TNR: variants seen among roughly 807,000 people sequenced by gnomAD.
TNR encodes the protein tenascin-R.
Under a neutral mutation model 150.4 loss-of-function variants are expected in TNR, and 45 were observed. The ratio of observed to expected loss-of-function variants is 0.30; its 90% CI spans 0.24 to 0.38. TNR has a LOEUF of 0.38. Among genes scored for constraint, TNR ranks in the 10% least tolerant of loss-of-function variants. TNR has a pLI of 1.00. For synonymous variants in TNR, 687 were observed against 678.4 expected (o/e 1.01, Z -0.20); for missense variants, 1,544 against 1,759.1 (o/e 0.88, Z 2.19).
chr1:175,629,996 GA>G (rs1385011887), intron 1 of TNR, among the ~76,000 whole-genome samples: 1 of 152,158 alleles, frequency 6.6e-6, no homozygotes, highest in Non-Finnish European at 1.5e-5. Flanking sequence ...CCTGGGGAGG[GA>G]CTTTCTGGTG....
At chr1:175,437,788 T>A (rs1655580035) in intron 2 of TNR, among the ~76,000 whole-genome samples, 2 of 152,264 alleles carry the variant, frequency 1.3e-5, no homozygotes, top group Non-Finnish European at 2.9e-5. Context: ...AAGAAATGGA[T>A]AAATTCCTCG....
intron 1 of TNR, among the ~76,000 whole-genome samples, chr1:175,535,529 C>T (rs1338982792): frequency 3.3e-5 from 5 of 151,874 alleles, no homozygotes; most frequent in Non-Finnish European, 5.9e-5. Context: ...GGCGCGATCT[C>T]GGCTCACTGC....
chr1:175,417,011 A>AAAAGAAAGAAAGAAAGAAAGAAAGGAAG (rs1654499255), intron 2 of TNR, among the ~76,000 whole-genome samples: 1 of 90,848 alleles, frequency 1.1e-5, no homozygotes, highest in African/African-American at 4.6e-5. Flanking sequence ...CCATCTCAAA[A>AAAAGAAAGAAAGAAAGAAAGAAAGGAAG]AAAGAAAGAA....
chr1:175,583,636 G>A (rs763757194), intron 1 of TNR, among the ~76,000 whole-genome samples: 2 of 152,140 alleles, frequency 1.3e-5, no homozygotes, highest in African/African-American at 4.8e-5. Context: ...TGGTCAACTA[G>A]TGGAAACAAC....
intron 1 of TNR, among the ~76,000 whole-genome samples, chr1:175,608,509 T>C (rs112874709): frequency 0.022 from 3,381 of 152,268 alleles, 133 homozygotes; most frequent in African/African-American, 0.075. Flanking sequence ...TTTGAAAGCA[T>C]AAGATATAAG....
Position 175,610,728 on chromosome 1 carries a change from T to G in TNR, c.-164-82359A>C, listed in dbSNP as rs114811738. Among the ~76,000 whole-genome samples the G allele has an allele frequency of 6.4e-3, 979 of 152,324 alleles. 6 individuals are homozygous for G. The highest frequency in any genetic ancestry group is 0.022 in the African/African-American group (925 of 41,558). ...CAGTCCCACTATTGCAATAGCTCCT[T>G]TTATCCCTCGCAACCATTCTTTCTA... On this transcript the variant is annotated intron_variant, in intron 1 of 22. Transcript: ENST00000367674.
chr1:175,662,615 G>A (rs1409895462), intron 1 of TNR, among the ~76,000 whole-genome samples: 1 of 152,208 alleles, frequency 6.6e-6, no homozygotes, highest in African/African-American at 2.4e-5. Flanking sequence ...AGGCAGGCAG[G>A]GATGAGCATC....
chr1:175,683,076 G>A (rs1050740766), intron 1 of TNR, among the ~76,000 whole-genome samples: 9 of 152,126 alleles, frequency 5.9e-5, no homozygotes, highest in Non-Finnish European at 1.0e-4. Flanking sequence ...GTGGGCCTGT[G>A]ACAGTTCTTC....
At chr1:175,683,027 G>T (rs34476724) in intron 1 of TNR, among the ~76,000 whole-genome samples, 9,790 of 152,212 alleles carry the variant, frequency 0.064, 417 homozygotes, top group East Asian at 0.17. Flanking sequence ...CAATGGGCGA[G>T]CTTGGGGGCA....
At chr1:175,376,857 A>ACGT (rs1553211461) in intron 9 of TNR, among the ~76,000 whole-genome samples, 1 of 113,484 alleles carries the variant, frequency 8.8e-6, no homozygotes, top group African/African-American at 3.7e-5. Context: ...TATAAATGTA[A>ACGT]TATTATATAT....
intron 2 of TNR, among the ~76,000 whole-genome samples, chr1:175,485,332 C>T (rs1040500449): frequency 2.0e-5 from 3 of 152,148 alleles, no homozygotes; most frequent in Admixed American, 2.0e-4. Context: ...AGGACAAAGA[C>T]GTAAGTAGCA....
At chr1:175,638,564 G>A (rs1258392003) in intron 1 of TNR, among the ~76,000 whole-genome samples, 1 of 152,188 alleles carries the variant, frequency 6.6e-6, no homozygotes, top group Non-Finnish European at 1.5e-5. Flanking sequence ...GGAAAGAGGT[G>A]AAACTAGTAC....
chr1:175,650,732 C>CCCAGA (rs1253945089), intron 1 of TNR, among the ~76,000 whole-genome samples: 1 of 842 alleles, frequency 1.2e-3, no homozygotes, highest in African/African-American at 0.011. Context: ...CCCTCCCCGC[C>CCCAGA]TCATTACTAC....
intron 1 of TNR, among the ~76,000 whole-genome samples, chr1:175,580,447 T>C (rs1662310114): frequency 6.6e-6 from 1 of 152,234 alleles, no homozygotes. Context: ...TTCAAAGCAA[T>C]GCCTTTGCTG....
At chr1:175,596,142 AC>A (rs2101842429) in intron 1 of TNR, among the ~76,000 whole-genome samples, 1 of 152,360 alleles carries the variant, frequency 6.6e-6, no homozygotes, top group South Asian at 2.1e-4. Flanking sequence ...GTTTGGCTAC[AC>A]AATGTTTTTT....
chr1:175,511,795 G>A (rs1659186250), intron 2 of TNR, among the ~76,000 whole-genome samples: 1 of 152,212 alleles, frequency 6.6e-6, no homozygotes, highest in Non-Finnish European at 1.5e-5. Context: ...CCCGTAGTGA[G>A]GTGATCACGG....
intron 2 of TNR, among the ~76,000 whole-genome samples, chr1:175,504,664 C>T (rs1298397686): frequency 2.0e-5 from 3 of 152,180 alleles, no homozygotes; most frequent in African/African-American, 7.2e-5. Context: ...GCTCCCTCAG[C>T]ATGGAGCCCC....
chr1:175,459,656 C>T (rs1435818196), intron 2 of TNR, among the ~76,000 whole-genome samples: 3 of 152,136 alleles, frequency 2.0e-5, no homozygotes, highest in Non-Finnish European at 4.4e-5. Context: ...CTTCACAGTT[C>T]CAGGAGGTGG....
chr1:175,664,872 A>C (rs543050571), intron 1 of TNR, among the ~76,000 whole-genome samples: 9 of 152,370 alleles, frequency 5.9e-5, no homozygotes, highest in African/African-American at 2.2e-4. Context: ...AGACAAGGAA[A>C]TATAACAGAA....
Sources: gnomAD v4.1 joint callset for allele counts (sites outside exome capture counted in the v4.1 genomes callset) on GRCh38, gnomAD v4.1.1 for gene constraint, MANE v1.5 for transcripts, NCBI Gene and HGNC (gene_info 2026-07-23, HGNC 2026-07-21) for gene names.